Variants in PPFIBP1 observed in about 807,000 individuals in gnomAD.
PPFIBP1 encodes PPFIB scaffold protein 1.
In PPFIBP1, 112 loss-of-function variants were observed where a neutral mutation model predicts 137.8. That is an observed-to-expected ratio of 0.81 (90% CI 0.70 to 0.95). The LOEUF (loss-of-function observed/expected upper bound fraction) is 0.95, where lower values mean the gene tolerates loss of function less well. Among genes scored for constraint, PPFIBP1 ranks in the 40% least tolerant of loss-of-function variants. PPFIBP1 has a pLI of 0.00. For missense variants in PPFIBP1, 1,083 were observed against 1,196.6 expected, an observed-to-expected ratio of 0.91 and a Z score of 1.40; for synonymous variants, 378 against 417.3, an observed-to-expected ratio of 0.91 and a Z score of 1.15.
At chr12:27,591,683 G>T (rs1004570334) in intron 2 of PPFIBP1, among the ~76,000 whole-genome samples, 4 of 152,188 alleles carry the variant, frequency 2.6e-5, no homozygotes, top group Non-Finnish European at 4.4e-5. Context: ...CACTAACCCT[G>T]TGAGGTATGT....
At chr12:27,681,290 C>A (rs2060858536) in intron 21 of PPFIBP1, among the ~76,000 whole-genome samples, 1 of 152,162 alleles carries the variant, frequency 6.6e-6, no homozygotes, top group Non-Finnish European at 1.5e-5. Context: ...CCAATTTGGT[C>A]TTTTTCTGTA....
At chr12:27,582,937 C>T (rs2051292048) in intron 2 of PPFIBP1, among the ~76,000 whole-genome samples, 1 of 152,166 alleles carries the variant, frequency 6.6e-6, no homozygotes, top group South Asian at 2.1e-4. Context: ...ATTTTTCCAT[C>T]AGCTTTTCTT....
intron 1 of PPFIBP1, among the ~76,000 whole-genome samples, chr12:27,539,558 G>A (rs546388008): frequency 6.6e-6 from 1 of 152,252 alleles, no homozygotes; most frequent in Admixed American, 6.5e-5. Flanking sequence ...GAAGCCCTAT[G>A]TTTTTCTAGC....
chr12:27,677,116 C>T lies in PPFIBP1; in HGVS notation c.1615+20C>T. ...CCCTAGGTATTGTACCCCTGCATGCCAGCCTTCACCAGCACTGTGCTCCAA... is the reference window on the plus strand; with the variant it reads ...CCCTAGGTATTGTACCCCTGCATGCTAGCCTTCACCAGCACTGTGCTCCAA... On this transcript the variant is annotated intron_variant, in intron 19 of 29. Transcript: ENST00000228425. The T allele has an allele frequency of 6.2e-7, 1 of 1,613,534 alleles. No individual in the cohort carries two copies. Among genetic ancestry groups the T allele is most frequent in the East Asian group, 2.2e-5 (1 of 44,878 alleles).
chr12:27,557,179 CCTT>C (rs1343651888), intron 1 of PPFIBP1, among the ~76,000 whole-genome samples: 4 of 151,410 alleles, frequency 2.6e-5, no homozygotes, highest in African/African-American at 7.3e-5. Context: ...GATTTTCTCT[CCTT>C]CTGCTGGCCT....
At chr12:27,582,045 G>A (rs1238909089) in intron 2 of PPFIBP1, among the ~76,000 whole-genome samples, 3 of 151,854 alleles carry the variant, frequency 2.0e-5, no homozygotes, top group Non-Finnish European at 4.4e-5. Context: ...TCTTGTCAAA[G>A]CCATAGCAGT....
intron 1 of PPFIBP1, among the ~76,000 whole-genome samples, chr12:27,540,929 A>G (rs1375206894): frequency 6.6e-6 from 1 of 152,160 alleles, no homozygotes; most frequent in Non-Finnish European, 1.5e-5. Flanking sequence ...ATCCTCTATC[A>G]TAGTTGCTGC....
At chr12:27,600,932 T>G (rs1010263237) in intron 2 of PPFIBP1, among the ~76,000 whole-genome samples, 7 of 152,366 alleles carry the variant, frequency 4.6e-5, no homozygotes, top group African/African-American at 1.7e-4. Flanking sequence ...CTAATTAGCA[T>G]AGCCATTGCT....
intron 1 of PPFIBP1, among the ~76,000 whole-genome samples, chr12:27,553,865 T>C (rs1475860642): frequency 6.6e-6 from 1 of 152,228 alleles, no homozygotes; most frequent in African/African-American, 2.4e-5. Context: ...TATCTTCCAA[T>C]TGAGTAAATA....
chr12:27,577,172 A>G (rs776634867), intron 1 of PPFIBP1, among the ~76,000 whole-genome samples: 4 of 151,886 alleles, frequency 2.6e-5, no homozygotes, highest in Non-Finnish European at 5.9e-5. Flanking sequence ...ATAGCCAGTA[A>G]TGCATTTTAT....
At chr12:27,665,151 G>A (rs986051159) in intron 12 of PPFIBP1, among the ~76,000 whole-genome samples, 1 of 152,156 alleles carries the variant, frequency 6.6e-6, no homozygotes, top group African/African-American at 2.4e-5. Flanking sequence ...TTGCGCCATT[G>A]CACTCCAGCC....
At chr12:27,548,708 T>C (rs1946467473) in intron 1 of PPFIBP1, 1 of 152,236 alleles carries the variant, frequency 6.6e-6, no homozygotes, top group Non-Finnish European at 1.5e-5. Flanking sequence ...CTGAGTAGTT[T>C]GAGTGTATTT....
At chr12:27,630,453 C>G (rs1343462702) in intron 2 of PPFIBP1, among the ~76,000 whole-genome samples, 1 of 152,050 alleles carries the variant, frequency 6.6e-6, no homozygotes, top group Non-Finnish European at 1.5e-5. Context: ...CTTTCCTGTG[C>G]TTACATATGT....
intron 7 of PPFIBP1, among the ~76,000 whole-genome samples, chr12:27,654,116 C>T (rs1021250662): frequency 6.6e-6 from 1 of 152,182 alleles, no homozygotes; most frequent in African/African-American, 2.4e-5. Flanking sequence ...TGACTATTCT[C>T]ATGTTCCTGT....
intron 1 of PPFIBP1, among the ~76,000 whole-genome samples, chr12:27,543,522 T>C (rs1013884247): frequency 5.9e-5 from 9 of 152,234 alleles, no homozygotes; most frequent in African/African-American, 2.2e-4. Context: ...TTTCATTTTT[T>C]CCACCTTTTG....
intron 13 of PPFIBP1, among the ~76,000 whole-genome samples, chr12:27,668,449 C>T (rs1222905352): frequency 6.6e-6 from 1 of 152,164 alleles, no homozygotes; most frequent in South Asian, 2.1e-4. Flanking sequence ...AAAATCCAGC[C>T]AGGCACATGT....
chr12:27,594,136 A>G, intron 2 of PPFIBP1: 1 of 601,430 alleles, frequency 1.7e-6, no homozygotes, highest in Admixed American at 4.5e-5. Context: ...GAAGAGAATC[A>G]TGGTACTTAA....
intron 1 of PPFIBP1, among the ~76,000 whole-genome samples, chr12:27,559,936 A>G (rs1018186922): frequency 1.3e-5 from 2 of 152,246 alleles, no homozygotes; most frequent in East Asian, 1.9e-4. Context: ...CCTCAGAAAC[A>G]AAACACTGTA....
intron 1 of PPFIBP1, among the ~76,000 whole-genome samples, chr12:27,575,091 C>T (rs182944142): frequency 1.3e-5 from 2 of 152,258 alleles, no homozygotes; most frequent in African/African-American, 4.8e-5. Flanking sequence ...CTTTTTAGAC[C>T]AGAGGTCAGC....
Sources: allele counts gnomAD v4.1 joint callset (sites outside exome capture counted in the v4.1 genomes callset), GRCh38; gene constraint gnomAD v4.1.1; transcripts MANE v1.5; gene names NCBI Gene and HGNC (gene_info 2026-07-23, HGNC 2026-07-21).